Variants in ZDHHC15 observed in about 807,000 individuals in gnomAD.
The protein encoded by ZDHHC15 is zDHHC palmitoyltransferase 15.
ZDHHC15 carries 19 observed loss-of-function variants against 31.7 expected under a neutral mutation model. That is an observed-to-expected ratio of 0.60 (90% CI 0.42 to 0.88). The LOEUF (loss-of-function observed/expected upper bound fraction) is 0.88, where lower values mean the gene tolerates loss of function less well. Among genes scored for constraint, ZDHHC15 ranks in the 40% least tolerant of loss-of-function variants. The pLI, the probability that ZDHHC15 is intolerant of heterozygous loss-of-function variation, is 0.00. For missense variants in ZDHHC15, 209 were observed against 251.2 expected (o/e 0.83, Z 1.14); for synonymous variants, 103 against 90.0 (o/e 1.14, Z -0.82).
intron 3 of ZDHHC15, among the ~76,000 whole-genome samples, chrX:75,478,087 G>A (rs2084634501): frequency 9.0e-6 from 1 of 111,448 alleles, no homozygotes; most frequent in Non-Finnish European, 1.9e-5. Flanking sequence ...CTAATTTAGA[G>A]TAGTTACACA....
intron 10 of ZDHHC15, among the ~76,000 whole-genome samples, chrX:75,401,986 G>T (rs1473240140): frequency 1.8e-5 from 2 of 111,906 alleles, no homozygotes; most frequent in African/African-American, 3.2e-5. Context: ...CCACATAGAT[G>T]GACATAAAAC....
Position 75,509,441 on chromosome X carries a change from C to T in ZDHHC15, c.137-3594G>A, listed in dbSNP as rs766411833. On this transcript the variant is annotated intron_variant, in intron 1 of 11. Transcript: ENST00000373367. ...TCAAGTGTTTAATAGCCACATGTGG[C>T]TAGTGGCTACAGAATTAGTGGAGTT... Among the ~76,000 whole-genome samples, 13 of 112,008 alleles carry T rather than the reference C, an allele frequency of 1.2e-4. No individual in the cohort carries two copies. In the East Asian group the frequency reaches 2.2e-3, roughly 19 times the overall value.
chrX:75,375,230 C>T (rs188079395), intron 11 of ZDHHC15, among the ~76,000 whole-genome samples: 712 of 111,640 alleles, frequency 6.4e-3, no homozygotes, highest in Non-Finnish European at 9.8e-3. Context: ...TCCTTGCCTA[C>T]AATAGGTACT....
At chrX:75,444,168 C>A (rs1360914380) in intron 4 of ZDHHC15, among the ~76,000 whole-genome samples, 1 of 110,907 alleles carries the variant, frequency 9.0e-6, no homozygotes, top group Non-Finnish European at 1.9e-5. Flanking sequence ...CACATGCACA[C>A]GTATGTTTAT....
intron 4 of ZDHHC15, among the ~76,000 whole-genome samples, chrX:75,447,555 C>T (rs1180684756): frequency 9.0e-6 from 1 of 111,512 alleles, no homozygotes; most frequent in African/African-American, 3.3e-5. Context: ...GTGCCAATAC[C>T]TTGCAGGGCT....
intron 4 of ZDHHC15, among the ~76,000 whole-genome samples, chrX:75,447,697 AC>A (rs2084053141): frequency 1.8e-5 from 2 of 109,713 alleles, no homozygotes; most frequent in Admixed American, 1.9e-4. Flanking sequence ...ACTCACCATT[AC>A]CCTAAGTGAC....
chrX:75,420,957 A>T (rs2083619533), intron 9 of ZDHHC15, among the ~76,000 whole-genome samples: 1 of 110,907 alleles, frequency 9.0e-6, no homozygotes, highest in Admixed American at 9.7e-5. Context: ...ATAATAAAAA[A>T]AGAATTACCT....
intron 10 of ZDHHC15, among the ~76,000 whole-genome samples, chrX:75,400,938 T>C (rs1486143900): frequency 1.8e-5 from 2 of 111,781 alleles, no homozygotes; most frequent in Non-Finnish European, 3.8e-5. Flanking sequence ...GTTGAAGTAC[T>C]TCACGACCAC....
At chrX:75,482,915 C>G (rs1439295245) in intron 2 of ZDHHC15, among the ~76,000 whole-genome samples, 2 of 108,332 alleles carry the variant, frequency 1.8e-5, no homozygotes, top group Non-Finnish European at 3.8e-5. Context: ...CCCTTAATAA[C>G]TATATGTCCT....
intron 10 of ZDHHC15, among the ~76,000 whole-genome samples, chrX:75,395,987 A>C (rs1349341355): frequency 1.8e-5 from 2 of 112,424 alleles, no homozygotes; most frequent in Non-Finnish European, 3.8e-5. Context: ...CATATATAAA[A>C]GTCAAATCAG....
At chrX:75,423,009 T>A (rs369226111) in intron 8 of ZDHHC15, among the ~76,000 whole-genome samples, 1 of 82,211 alleles carries the variant, frequency 1.2e-5, no homozygotes, top group Non-Finnish European at 2.2e-5. Context: ...CCTGTGTCCA[T>A]GTGTTCTCAT....
At chrX:75,396,456 C>A (rs923507830) in intron 10 of ZDHHC15, among the ~76,000 whole-genome samples, 13 of 111,789 alleles carry the variant, frequency 1.2e-4, no homozygotes, top group Non-Finnish European at 2.4e-4. Context: ...AATCTCACCC[C>A]AGTTAAAGTT....
At chrX:75,510,635 T>C (rs1291573390) in intron 1 of ZDHHC15, among the ~76,000 whole-genome samples, 1 of 94,354 alleles carries the variant, frequency 1.1e-5, no homozygotes, top group East Asian at 3.6e-4. Flanking sequence ...TGCAGGTTAG[T>C]TACATATGTA....
intron 2 of ZDHHC15, among the ~76,000 whole-genome samples, chrX:75,503,218 T>C (rs983250225): frequency 4.5e-5 from 5 of 110,979 alleles, no homozygotes; most frequent in African/African-American, 1.6e-4. Context: ...AGGATTGTGA[T>C]TCAGATGATC....
At chrX:75,452,013 T>A (rs1388999087) in intron 3 of ZDHHC15, among the ~76,000 whole-genome samples, 1 of 110,757 alleles carries the variant, frequency 9.0e-6, no homozygotes, top group Non-Finnish European at 1.9e-5. Flanking sequence ...AATGACAGGA[T>A]CAAATTCACA....
In ZDHHC15 at chrX:75,421,896, C is replaced by A. The variant is rs145401990; in HGVS notation, c.831G>T (p.Lys277Asn). The change falls in exon 9 of 12, where the codon AAG becomes AAT. Residue 277 changes from lysine (K) to asparagine (N), a missense_variant. Transcript: ENST00000373367. ...IKNIQQVFGDKKKFWLIPIGS... is the reference protein window; with the variant it reads ...IKNIQQVFGDNKKFWLIPIGS... ...CAATAGGTATTAACCAGAACTTCTT[C>A]TTATCTCCAAACACCTGCTGGATAT... 8.3e-7 allele frequency: 1 copy of A among 1,210,339 alleles called. No individual in the cohort carries two copies. The highest frequency in any genetic ancestry group is 2.2e-5 in the Admixed American group (1 of 45,812).
In ZDHHC15 at chrX:75,425,914, T is replaced by C. The variant is rs768229368; in HGVS notation, c.604-1130A>G. Among the ~76,000 whole-genome samples the C allele has an allele frequency of 3.7e-4, 41 of 111,600 alleles. 1 individual carries two copies. Among genetic ancestry groups the C allele is most frequent in the Non-Finnish European group, 6.6e-4 (35 of 53,117 alleles). On this transcript the variant is annotated intron_variant, in intron 7 of 11. Coordinates refer to ENST00000373367, the MANE Select transcript of ZDHHC15 (RefSeq NM_144969.3). ...GTATACTGAAGGATGAAGATAAGCATGCTTCCCCTTATCTTCAGCCAGTCA... is the reference window on the plus strand; with the variant it reads ...GTATACTGAAGGATGAAGATAAGCACGCTTCCCCTTATCTTCAGCCAGTCA...
intron 2 of ZDHHC15, among the ~76,000 whole-genome samples, chrX:75,492,518 C>G (rs1307801559): frequency 1.8e-5 from 2 of 111,363 alleles, no homozygotes; most frequent in African/African-American, 6.5e-5. Flanking sequence ...CAAAATTGAC[C>G]ACATAGTTGG....
chrX:75,508,259 T>TA (rs925254995), intron 1 of ZDHHC15, among the ~76,000 whole-genome samples: 1 of 106,167 alleles, frequency 9.4e-6, no homozygotes, highest in Non-Finnish European at 1.9e-5. Context: ...ACTCGTCATT[T>TA]ACATTAGGTA....
Sources: gnomAD v4.1 joint callset for allele counts (sites outside exome capture counted in the v4.1 genomes callset) on GRCh38, gnomAD v4.1.1 for gene constraint, MANE v1.5 for transcripts, NCBI Gene and HGNC (gene_info 2026-07-23, HGNC 2026-07-21) for gene names.